The following BLTP3A variants were observed in gnomAD, a reference collection of about 807,000 sequenced individuals.
BLTP3A encodes ICBP90 binding protein 1.
At chr6:34,843,087 G>A in the BLTP3A span, among the ~76,000 whole-genome samples, 3 of 152,018 alleles carry the variant, frequency 2.0e-5, no homozygotes, top group East Asian at 1.9e-4. Context: ...AGACTCAAAC[G>A]ATCCTCCCAC....
the BLTP3A span, among the ~76,000 whole-genome samples, chr6:34,800,552 A>T: frequency 6.6e-6 from 1 of 152,066 alleles, no homozygotes; most frequent in East Asian, 1.9e-4. Flanking sequence ...GGGCCTTTTA[A>T]CTCTGTGTGG....
the BLTP3A span, chr6:34,863,984 G>GTTT: frequency 3.0e-6 from 4 of 1,312,578 alleles, no homozygotes; most frequent in South Asian, 1.5e-5. Flanking sequence ...TGTGGTTTTT[G>GTTT]TTTTTTTTTT....
chr6:34,819,606 A>G, the BLTP3A span, among the ~76,000 whole-genome samples: 1 of 152,202 alleles, frequency 6.6e-6, no homozygotes, highest in African/African-American at 2.4e-5. Context: ...ACATCCTAAG[A>G]CACTGTCATA....
chr6:34,866,151 C>T, the BLTP3A span, among the ~76,000 whole-genome samples: 2 of 152,190 alleles, frequency 1.3e-5, no homozygotes, highest in African/African-American at 2.4e-5. Flanking sequence ...CAGTACCTCA[C>T]GCGTGTAATC....
chr6:34,864,068 A>G, the BLTP3A span: 1 of 1,613,572 alleles, frequency 6.2e-7, no homozygotes, highest in Non-Finnish European at 8.5e-7. Context: ...CACGACTCCG[A>G]TTTTTCTCCA....
chr6:34,816,671 G>A, the BLTP3A span, among the ~76,000 whole-genome samples: 1 of 152,118 alleles, frequency 6.6e-6, no homozygotes, highest in African/African-American at 2.4e-5. Flanking sequence ...TATCTTAGTG[G>A]TTCTCAGCCT....
the BLTP3A span, among the ~76,000 whole-genome samples, chr6:34,792,623 G>GCA: frequency 6.6e-6 from 1 of 152,058 alleles, no homozygotes; most frequent in African/African-American, 2.4e-5. Context: ...ACACCTCCAA[G>GCA]CAGGTCACCC....
the BLTP3A span, chr6:34,823,331 C>G: frequency 2.4e-5 from 39 of 1,613,918 alleles, no homozygotes; most frequent in East Asian, 7.8e-4. Flanking sequence ...CTCCCATTGC[C>G]CTTGCTTCAG....
At chr6:34,858,208 AC>A in the BLTP3A span, 1 of 1,614,208 alleles carries the variant, frequency 6.2e-7, no homozygotes, top group Non-Finnish European at 8.5e-7. Flanking sequence ...CATGATTGCC[AC>A]CAATACACGT....
At chr6:34,851,243 C>T in the BLTP3A span, among the ~76,000 whole-genome samples, 1 of 152,088 alleles carries the variant, frequency 6.6e-6, no homozygotes, top group Non-Finnish European at 1.5e-5. Context: ...AGGTATTTAT[C>T]ATAGTCTTCA....
At chr6:34,856,016 G>A in the BLTP3A span, 1 of 867,494 alleles carries the variant, frequency 1.2e-6, no homozygotes, top group Non-Finnish European at 1.4e-6. Context: ...AGTCAAATAT[G>A]GCAGCAGTCA....
At chr6:34,794,921 A>C in the BLTP3A span, among the ~76,000 whole-genome samples, 1 of 151,580 alleles carries the variant, frequency 6.6e-6, no homozygotes, top group Non-Finnish European at 1.5e-5. Context: ...AGTAGCTGGG[A>C]CTACAGGCAT....
chr6:34,853,246 C>A, the BLTP3A span, among the ~76,000 whole-genome samples: 1 of 152,114 alleles, frequency 6.6e-6, no homozygotes, highest in Non-Finnish European at 1.5e-5. Context: ...GTTATGTGAT[C>A]ACGGCTCACT....
chr6:34,812,187 G>A, the BLTP3A span, among the ~76,000 whole-genome samples: 2 of 151,992 alleles, frequency 1.3e-5, no homozygotes, highest in Non-Finnish European at 2.9e-5. Context: ...AATTAGCCAG[G>A]CATGGTGGCG....
At chr6:34,859,144 G>C in the BLTP3A span, 69,192 of 1,614,132 alleles carry the variant, frequency 0.043, 1,676 homozygotes, top group Middle Eastern at 0.068. Context: ...AGCAAGCCCT[G>C]AGAAGGTCTT....
At chr6:34,834,201 AC>A in the BLTP3A span, 1 of 1,611,798 alleles carries the variant, frequency 6.2e-7, no homozygotes, top group Non-Finnish European at 8.5e-7. Context: ...TTGTTGGTCT[AC>A]CTCATTTGTT....
At chr6:34,806,100 A>G in the BLTP3A span, among the ~76,000 whole-genome samples, 1 of 152,242 alleles carries the variant, frequency 6.6e-6, no homozygotes, top group East Asian at 1.9e-4. Flanking sequence ...TGCAATGTGT[A>G]GAAGAATGTA....
the BLTP3A span, among the ~76,000 whole-genome samples, chr6:34,866,468 T>G: frequency 6.6e-6 from 1 of 152,144 alleles, no homozygotes; most frequent in Non-Finnish European, 1.5e-5. Context: ...CTGCCCACTT[T>G]CCTTCATCTC....
the BLTP3A span, chr6:34,821,645 CTT>C: frequency 6.2e-7 from 1 of 1,603,572 alleles, no homozygotes. Context: ...TATCATTACT[CTT>C]TTCAGGTTCA....
Sources: allele counts gnomAD v4.1 joint callset (sites outside exome capture counted in the v4.1 genomes callset), GRCh38; gene constraint gnomAD v4.1.1; transcripts MANE v1.5; gene names NCBI Gene and HGNC (gene_info 2026-07-23, HGNC 2026-07-21).